The following PLEKHM3 variants were observed in gnomAD, a reference collection of about 807,000 sequenced individuals.
PLEKHM3 encodes pleckstrin homology domain-containing family M member 3.
PLEKHM3 carries 45 observed loss-of-function variants against 81.8 expected under a neutral mutation model. The observed-to-expected ratio is 0.55, with a 90% CI of 0.43 to 0.71. PLEKHM3 has a LOEUF of 0.71. Ranked by LOEUF, PLEKHM3 falls within the 30% of genes least tolerant of loss-of-function variation. PLEKHM3 has a pLI of 0.00. For missense variants in PLEKHM3, 788 were observed against 924.3 expected (o/e 0.85, Z 1.91); for synonymous variants, 352 against 356.4 (o/e 0.99, Z 0.14).
rs143081232 is a variant in PLEKHM3, at chr2:207,849,248, C to A, written c.2108+11857G>T. The stretch of plus-strand genomic sequence containing the variant: ...ACTCAGGGGGCTAAAGCTGGAGAAT[C>A]GCTTGAACCCGGGAGGTGGAGGTTG... On this transcript the variant is annotated intron_variant, in intron 7 of 7. Transcript: ENST00000427836. Among the ~76,000 whole-genome samples the A allele has an allele frequency of 3.2e-3, 489 of 152,112 alleles. 4 individuals carry two copies. The highest frequency in any genetic ancestry group is 0.011 in the African/African-American group (467 of 41,488).
intron 1 of PLEKHM3, among the ~76,000 whole-genome samples, chr2:208,007,977 C>T (rs945615884): frequency 3.3e-5 from 5 of 152,156 alleles, no homozygotes; most frequent in East Asian, 1.9e-4. Flanking sequence ...GGCGTGAACC[C>T]GGGAGGCGGA....
intron 3 of PLEKHM3, among the ~76,000 whole-genome samples, chr2:207,952,366 C>G (rs151243566): frequency 2.0e-5 from 3 of 152,262 alleles, no homozygotes; most frequent in African/African-American, 4.8e-5. Flanking sequence ...TAAAATGTTG[C>G]TTGAAGGCCT....
intron 4 of PLEKHM3, among the ~76,000 whole-genome samples, chr2:207,944,640 C>T (rs565802286): frequency 6.6e-6 from 1 of 152,200 alleles, no homozygotes; most frequent in South Asian, 2.1e-4. Context: ...CTGATGAAAG[C>T]TACTGATATA....
intron 7 of PLEKHM3, among the ~76,000 whole-genome samples, chr2:207,856,135 C>T (rs2092436110): frequency 1.3e-5 from 2 of 151,958 alleles, no homozygotes; most frequent in African/African-American, 4.8e-5. Context: ...TTCAGTTGAA[C>T]AATTTTTAAA....
intron 1 of PLEKHM3, among the ~76,000 whole-genome samples, chr2:208,006,055 A>G (rs925277369): frequency 1.2e-4 from 18 of 152,158 alleles, no homozygotes; most frequent in Non-Finnish European, 8.8e-5. Context: ...CAGTCTCTCT[A>G]GATCCTACTC....
At chr2:208,013,723 G>A (rs1692780099) in intron 1 of PLEKHM3, among the ~76,000 whole-genome samples, 2 of 152,116 alleles carry the variant, frequency 1.3e-5, no homozygotes, top group Admixed American at 1.3e-4. Flanking sequence ...GCCTTTGCTG[G>A]GTGGTGAGGA....
chr2:207,849,788 G>A (rs1574333790), intron 7 of PLEKHM3, among the ~76,000 whole-genome samples: 1 of 152,266 alleles, frequency 6.6e-6, no homozygotes, highest in Non-Finnish European at 1.5e-5. Flanking sequence ...TAACTAATTA[G>A]TTTATTTAAA....
intron 6 of PLEKHM3, among the ~76,000 whole-genome samples, chr2:207,878,129 G>C (rs1248377761): frequency 6.6e-6 from 1 of 152,056 alleles, no homozygotes; most frequent in African/African-American, 2.4e-5. Flanking sequence ...TTGGAGATAA[G>C]GTCTCCCTAT....
At chr2:207,900,445 C>T (rs886607473) in intron 6 of PLEKHM3, 17 of 152,152 alleles carry the variant, frequency 1.1e-4, no homozygotes, top group African/African-American at 3.6e-4. Flanking sequence ...TGCCCAAATT[C>T]GGGGAGAAGG....
At chr2:207,977,690 A>G (rs1010262816) in intron 2 of PLEKHM3, 104 bp from the exon 3 acceptor site, 2 of 970,350 alleles carry the variant, frequency 2.1e-6, no homozygotes, top group Non-Finnish European at 3.1e-6. Flanking sequence ...CAGATCAGGG[A>G]CTGACAGTCT....
At chr2:208,017,921 T>C (rs1266048890) in intron 1 of PLEKHM3, among the ~76,000 whole-genome samples, 1 of 152,164 alleles carries the variant, frequency 6.6e-6, no homozygotes, top group African/African-American at 2.4e-5. Flanking sequence ...TGGAGGCTCC[T>C]CCCACTACCC....
At chr2:207,927,965 T>A (rs1394155916) in intron 5 of PLEKHM3, among the ~76,000 whole-genome samples, 1 of 152,176 alleles carries the variant, frequency 6.6e-6, no homozygotes, top group Non-Finnish European at 1.5e-5. Flanking sequence ...AACAATTTTT[T>A]AATAATTACA....
At chr2:207,896,083 C>A (rs1439485424) in intron 6 of PLEKHM3, among the ~76,000 whole-genome samples, 1 of 152,134 alleles carries the variant, frequency 6.6e-6, no homozygotes, top group East Asian at 1.9e-4. Flanking sequence ...GGCTGGGAGC[C>A]CCCAGAAAGC....
intron 7 of PLEKHM3, among the ~76,000 whole-genome samples, chr2:207,846,218 C>T (rs538372180): frequency 8.5e-5 from 13 of 152,130 alleles, no homozygotes; most frequent in Non-Finnish European, 1.5e-4. Context: ...TCTCAGCTCA[C>T]TGCAACTTCC....
intron 1 of PLEKHM3, among the ~76,000 whole-genome samples, chr2:208,011,595 T>C (rs574405184): frequency 6.6e-6 from 1 of 151,764 alleles, no homozygotes; most frequent in South Asian, 2.1e-4. Context: ...AAAATAGACT[T>C]TGGGGACTTA....
chr2:207,950,938 T>C (rs189173939), intron 3 of PLEKHM3, among the ~76,000 whole-genome samples: 1 of 152,364 alleles, frequency 6.6e-6, no homozygotes, highest in Admixed American at 6.5e-5. Flanking sequence ...AGTATTTGTA[T>C]TTGAAAGAAC....
intron 2 of PLEKHM3, among the ~76,000 whole-genome samples, chr2:207,991,231 A>T (rs770811191): frequency 2.6e-5 from 4 of 152,214 alleles, no homozygotes; most frequent in Admixed American, 2.0e-4. Context: ...TCTAATCTAT[A>T]GGAATTAAAT....
At chr2:207,844,282 A>G (rs986575424) in intron 7 of PLEKHM3, among the ~76,000 whole-genome samples, 10 of 151,202 alleles carry the variant, frequency 6.6e-5, no homozygotes, top group Admixed American at 1.3e-4. Context: ...TTATAAAATA[A>G]CAATTCATAC....
chr2:207,878,437 C>T (rs964853552), intron 6 of PLEKHM3, among the ~76,000 whole-genome samples: 6 of 152,042 alleles, frequency 3.9e-5, no homozygotes, highest in Non-Finnish European at 7.4e-5. Context: ...GGAGAAATCC[C>T]GTCTCTACTA....
Sources: gnomAD v4.1 joint callset for allele counts (sites outside exome capture counted in the v4.1 genomes callset) on GRCh38, gnomAD v4.1.1 for gene constraint, MANE v1.5 for transcripts, NCBI Gene and HGNC (gene_info 2026-07-23, HGNC 2026-07-21) for gene names.